The following KHDC4 variants were observed in gnomAD, a reference collection of about 807,000 sequenced individuals.
KHDC4 encodes the protein KH homology domain-containing protein 4.
Under a neutral mutation model 74.5 loss-of-function variants are expected in KHDC4, and 19 were observed. The observed-to-expected ratio is 0.26, with a 90% confidence interval of 0.18 to 0.37. The LOEUF (loss-of-function observed/expected upper bound fraction) is 0.37. Among genes scored for constraint, KHDC4 ranks in the 10% least tolerant of loss-of-function variants. KHDC4 has a pLI of 1.00. For synonymous variants in KHDC4, 253 were observed against 266.1 expected, an observed-to-expected ratio of 0.95 and a Z score of 0.48; for missense variants, 632 against 754.1, an observed-to-expected ratio of 0.84 and a Z score of 1.90.
intron 2 of KHDC4, among the ~76,000 whole-genome samples, chr1:155,933,285 AAAC>A (rs1674182470): frequency 6.6e-6 from 1 of 152,122 alleles, no homozygotes; most frequent in South Asian, 2.1e-4. Flanking sequence ...ACAGGATTAC[AAAC>A]AACTTTTTTT....
At chr1:155,925,320 C>T (rs949717389) in intron 7 of KHDC4, among the ~76,000 whole-genome samples, 1 of 151,924 alleles carries the variant, frequency 6.6e-6, no homozygotes, top group African/African-American at 2.4e-5. Context: ...TGTGAGCCAC[C>T]GTGCCCGCCT....
At position 155,934,345 on chromosome 1, in the gene KHDC4, C is replaced by G; in HGVS notation, c.29G>C (p.Gly10Ala). 1.9e-6 allele frequency: 3 copies of G among 1,610,952 alleles called. No homozygotes were observed. The highest frequency in any genetic ancestry group is 2.5e-6 in the Non-Finnish European group (3 of 1,179,968). MSAGSATHP[G>A]AGGRRSKWDQ... ...GCCCCTGAAGCCGTACCCGCCAGCTCCAGGATGTGTCGCGCTCCCCGCGGA... is the reference window on the plus strand; with the variant it reads ...GCCCCTGAAGCCGTACCCGCCAGCTGCAGGATGTGTCGCGCTCCCCGCGGA... Residue 10 changes from glycine to alanine, a missense_variant, in exon 1 of 14, where the codon GGA becomes GCA. Physicochemically the swap from Gly to Ala is moderately conservative, Grantham distance 60. Coordinates refer to ENST00000368321, the MANE Select transcript of KHDC4 (RefSeq NM_014949.4).
intron 2 of KHDC4, 36 bp from the exon 3 acceptor site, chr1:155,929,876 T>A: frequency 6.8e-7 from 1 of 1,464,654 alleles, no homozygotes; most frequent in Non-Finnish European, 9.1e-7. Context: ...AAAGTTTTTA[T>A]GATGAGATAA....
At chr1:155,933,922 G>A (rs1263770160) in intron 1 of KHDC4, 73 bp from the exon 2 acceptor site, 1 of 1,218,500 alleles carries the variant, frequency 8.2e-7, no homozygotes, top group African/African-American at 1.5e-5. Flanking sequence ...CTACGCCTTA[G>A]CACCCCATTT....
intron 8 of KHDC4, among the ~76,000 whole-genome samples, chr1:155,922,936 T>C (rs2102601825): frequency 6.6e-6 from 1 of 152,304 alleles, no homozygotes; most frequent in East Asian, 1.9e-4. Context: ...CCGGGCGCGG[T>C]GGCTCACGCC....
chr1:155,927,608 C>T lies in KHDC4; in HGVS notation c.465-452G>A, dbSNP rs554241587. Among the ~76,000 whole-genome samples the T allele has an allele frequency of 7.2e-5, 11 of 151,768 alleles. No individual in the cohort carries two copies. In the East Asian group the frequency reaches 1.2e-3, roughly 16 times the overall value. On this transcript the variant is annotated intron_variant, in intron 4 of 13. Transcript: ENST00000368321. ...TGACATGAGGCCAAGAGTTTGAGACCAGCCTGGCCAACATGGCAAAACCCC... is the reference window on the plus strand; with the variant it reads ...TGACATGAGGCCAAGAGTTTGAGACTAGCCTGGCCAACATGGCAAAACCCC...
chr1:155,922,911 T>C (rs1316459330), intron 8 of KHDC4, among the ~76,000 whole-genome samples: 2 of 152,160 alleles, frequency 1.3e-5, no homozygotes, highest in Admixed American at 1.3e-4. Flanking sequence ...CTAAGTGCTA[T>C]AAAGACAGTC....
intron 5 of KHDC4, 95 bp from the exon 6 acceptor site, chr1:155,926,934 C>A: frequency 7.0e-7 from 1 of 1,435,084 alleles, no homozygotes; most frequent in Non-Finnish European, 9.8e-7. Context: ...CTGCTTTATA[C>A]GTTACCCAAA....
At chr1:155,919,140 G>A (rs1029818782) in intron 10 of KHDC4, among the ~76,000 whole-genome samples, 2 of 151,770 alleles carry the variant, frequency 1.3e-5, no homozygotes, top group African/African-American at 4.8e-5. Context: ...GCTAATTTTT[G>A]TATTTTTAGC....
intron 2 of KHDC4, among the ~76,000 whole-genome samples, chr1:155,931,476 C>T (rs1434825495): frequency 1.3e-5 from 2 of 152,164 alleles, no homozygotes; most frequent in Non-Finnish European, 2.9e-5. Flanking sequence ...CGTCTGTAGT[C>T]GCAGCTACTT....
chr1:155,923,566 T>G, intron 8 of KHDC4, 61 bp downstream of exon 8: 1 of 1,260,124 alleles, frequency 7.9e-7, no homozygotes, highest in Non-Finnish European at 1.2e-6. Context: ...AAGAAACAGC[T>G]AAGACATACT....
intron 7 of KHDC4, 43 bp downstream of exon 7, chr1:155,925,589 A>C (rs1673972784): frequency 2.6e-6 from 4 of 1,525,190 alleles, no homozygotes; most frequent in Non-Finnish European, 3.6e-6. Flanking sequence ...TGTACCAACA[A>C]GTTGACAAGA....
chr1:155,929,562 A>T, intron 3 of KHDC4, 150 bp downstream of exon 3: 1 of 1,036,032 alleles, frequency 9.7e-7, no homozygotes. Context: ...CCATTCCATT[A>T]TCTTCCTCTG....
chr1:155,926,105 T>A lies in KHDC4; in HGVS notation c.682-262A>T, dbSNP rs769939661. The A allele has an allele frequency of 1.8e-5, 12 of 652,348 alleles. No homozygotes were observed. The East Asian group carries it at 3.9e-4, about 21-fold the overall frequency. The allele number at this position is 652,348 out of a possible 1,614,324, so 40.4% of individuals were successfully genotyped here. ...CTCCAGTTGTCATCAAGTTTACAAATACAAATTAAAACCACTAACTTCAAA... is the reference window on the plus strand; with the variant it reads ...CTCCAGTTGTCATCAAGTTTACAAAAACAAATTAAAACCACTAACTTCAAA... On this transcript the variant is annotated intron_variant, in intron 6 of 13. Coordinates refer to ENST00000368321, the MANE Select transcript of KHDC4 (RefSeq NM_014949.4).
At chr1:155,929,677 AC>A in intron 3 of KHDC4, 34 bp downstream of exon 3, 2 of 1,596,894 alleles carry the variant, frequency 1.3e-6, no homozygotes, top group Middle Eastern at 1.7e-4. Context: ...GAATCCACTC[AC>A]CGCCCTCCCC....
Position 155,921,486 on chromosome 1 carries a change from T to C in KHDC4, c.1155A>G (p.Pro385=). The C allele has an allele frequency of 6.2e-7, 1 of 1,613,988 alleles. No homozygotes were observed. The highest frequency in any genetic ancestry group is 1.1e-5 in the South Asian group (1 of 91,074). The change falls in exon 10 of 14, where the codon CCA becomes CCG. Residue 385 remains proline (P), a synonymous_variant. Coordinates refer to ENST00000368321, the MANE Select transcript of KHDC4 (RefSeq NM_014949.4). ...QPPYGVPSIV[P]PAVSLAPGVL... ...CTCCAGGTGCTAATGAAACAGCTGG[T>C]GGCACTATGCTTGGTACTCCGTAGG...
Position 155,915,973 on chromosome 1 carries a change from AAAC to A in KHDC4, c.1554-12_1554-10del, listed in dbSNP as rs763958616. On this transcript the variant is annotated splice_polypyrimidine_tract_variant and intron_variant, in intron 12 of 13. Coordinates refer to ENST00000368321, the MANE Select transcript of KHDC4 (RefSeq NM_014949.4). ...GTGGAGGCATCAACTGCCTATTGAA[AAAC>A]AAAATGAAACTTTCTTTCAGACAAT... The A allele has an allele frequency of 1.8e-4, 279 of 1,517,496 alleles. No homozygotes were observed. The highest frequency in any genetic ancestry group is 1.4e-4 in the Admixed American group (7 of 48,586). The allele number at this position is 1,517,496 out of a possible 1,614,324, so 94.0% of individuals were successfully genotyped here.
intron 9 of KHDC4, 38 bp downstream of exon 9, chr1:155,921,823 T>C: frequency 6.6e-7 from 1 of 1,507,382 alleles, no homozygotes; most frequent in Non-Finnish European, 9.2e-7. Flanking sequence ...TAACTATCAC[T>C]AGCAAAATAT....
intron 13 of KHDC4, chr1:155,915,656 C>T (rs1283520232): frequency 2.1e-6 from 1 of 472,376 alleles, no homozygotes; most frequent in East Asian, 3.4e-5. Flanking sequence ...TACAGGCGCC[C>T]ACCACCATGC....
Sources: allele counts gnomAD v4.1 joint callset (sites outside exome capture counted in the v4.1 genomes callset), GRCh38; gene constraint gnomAD v4.1.1; transcripts MANE v1.5; gene names NCBI Gene and HGNC (gene_info 2026-07-23, HGNC 2026-07-21).